The following NCOR1 variants were observed in gnomAD, a reference collection of about 807,000 sequenced individuals.
The protein encoded by NCOR1 is protein phosphatase 1, regulatory subunit 109.
In NCOR1, 63 loss-of-function variants were observed where a neutral mutation model predicts 288.1. The ratio of observed to expected loss-of-function variants is 0.22; its 90% CI spans 0.18 to 0.27. The LOEUF (loss-of-function observed/expected upper bound fraction) is 0.27, where lower values mean the gene tolerates loss of function less well. Ranked by LOEUF, NCOR1 falls within the 10% of genes least tolerant of loss-of-function variation. The pLI is 1.00. For synonymous variants in NCOR1, 1,007 were observed against 1,065.9 expected (o/e 0.94, Z 1.08); for missense variants, 2,397 against 3,019.2 (o/e 0.79, Z 4.83).
intron 1 of NCOR1, among the ~76,000 whole-genome samples, chr17:16,200,029 C>T (rs1269281928): frequency 6.6e-6 from 1 of 151,950 alleles, no homozygotes; most frequent in African/African-American, 2.4e-5. Context: ...CACATATTTA[C>T]TCAACAGGAA....
At chr17:16,180,343 A>T (rs2085142839) in intron 3 of NCOR1, among the ~76,000 whole-genome samples, 1 of 152,200 alleles carries the variant, frequency 6.6e-6, no homozygotes, top group Non-Finnish European at 1.5e-5. Flanking sequence ...AGATTGTTAT[A>T]GCCATTATAG....
At chr17:16,110,390 T>A (rs547200877) in intron 18 of NCOR1, among the ~76,000 whole-genome samples, 317 of 152,260 alleles carry the variant, frequency 2.1e-3, no homozygotes, top group Non-Finnish European at 3.2e-3. Context: ...AAATTTTTTT[T>A]AATTCCTTTT....
intron 15 of NCOR1, among the ~76,000 whole-genome samples, chr17:16,123,540 C>A (rs1598949707): frequency 6.6e-6 from 1 of 152,218 alleles, no homozygotes; most frequent in Non-Finnish European, 1.5e-5. Context: ...GACAGACACA[C>A]AGCACAGCCT....
At chr17:16,201,354 T>C (rs2090780748) in intron 1 of NCOR1, among the ~76,000 whole-genome samples, 1 of 152,078 alleles carries the variant, frequency 6.6e-6, no homozygotes, top group Admixed American at 6.5e-5. Flanking sequence ...ATCCCAGCAC[T>C]TTGGGAGGCC....
intron 1 of NCOR1, among the ~76,000 whole-genome samples, chr17:16,204,885 A>G (rs2091299215): frequency 6.6e-6 from 1 of 152,240 alleles, no homozygotes; most frequent in African/African-American, 2.4e-5. Context: ...ACTACATAAC[A>G]TTACAAAAGA....
Position 16,070,344 on chromosome 17 carries a change from C to T in NCOR1, c.4334G>A (p.Arg1445His), listed in dbSNP as rs1429469964. The change falls in exon 31 of 46, where the codon CGT (arginine) becomes CAT (histidine). Residue 1445 changes from arginine to histidine, a missense_variant. Arg to His is a conservative substitution (Grantham distance 29). Coordinates refer to ENST00000268712, the MANE Select transcript of NCOR1 (RefSeq NM_006311.4). ...YEDVKAGETVRSRHTSVVSSG... is the reference protein window; with the variant it reads ...YEDVKAGETVHSRHTSVVSSG... ...GCTTACCACTGACGTGTGCCGGGAA[C>T]GCACGGTCTCGCCTGCTTTCACATC... The T allele has an allele frequency of 6.2e-6, 10 of 1,614,148 alleles. No individual in the cohort carries two copies. Among genetic ancestry groups the T allele is most frequent in the Admixed American group, 3.3e-5 (2 of 60,016 alleles).
intron 14 of NCOR1, among the ~76,000 whole-genome samples, chr17:16,136,586 C>T (rs2076429107): frequency 6.6e-6 from 1 of 152,036 alleles, no homozygotes; most frequent in Middle Eastern, 3.2e-3. Context: ...GCAGGTGGAT[C>T]ATGGAAGTCA....
chr17:16,163,189 A>G (rs2081232770), intron 5 of NCOR1, among the ~76,000 whole-genome samples: 1 of 152,164 alleles, frequency 6.6e-6, no homozygotes, highest in Non-Finnish European at 1.5e-5. Context: ...AACAAAATTC[A>G]AAACTTTTAT....
At chr17:16,080,999 T>C (rs1385214789) in intron 23 of NCOR1, among the ~76,000 whole-genome samples, 2 of 151,860 alleles carry the variant, frequency 1.3e-5, no homozygotes, top group Admixed American at 1.3e-4. Context: ...ATTACATAAA[T>C]AAAGCACTTA....
At chr17:16,122,840 T>C (rs774722427) in intron 15 of NCOR1, among the ~76,000 whole-genome samples, 3 of 152,206 alleles carry the variant, frequency 2.0e-5, no homozygotes, top group Admixed American at 1.3e-4. Flanking sequence ...TGTCACCATG[T>C]TGCCCAGGGT....
chr17:16,082,311 C>T (rs1053210780), intron 23 of NCOR1, among the ~76,000 whole-genome samples: 1 of 152,084 alleles, frequency 6.6e-6, no homozygotes. Flanking sequence ...GTGAGCCATA[C>T]ATATGAAACA....
At chr17:16,198,159 C>G (rs1460786430) in intron 1 of NCOR1, 1 of 149,362 alleles carries the variant, frequency 6.7e-6, no homozygotes, top group Non-Finnish European at 1.5e-5. Flanking sequence ...AGATCGAGAT[C>G]ATCCTGGCTA....
chr17:16,039,156 C>T (rs2057070564), intron 44 of NCOR1: 1 of 353,808 alleles, frequency 2.8e-6, no homozygotes. Flanking sequence ...AATTACAATG[C>T]AGTATGTATA....
intron 1 of NCOR1, among the ~76,000 whole-genome samples, chr17:16,196,694 G>A (rs1303053937): frequency 6.6e-5 from 10 of 151,602 alleles, no homozygotes; most frequent in South Asian, 2.1e-4. Flanking sequence ...GCGTGGTGGC[G>A]GGTGCCTGTA....
chr17:16,064,268 C>A (rs1244956306), intron 34 of NCOR1, 81 bp from the exon 35 acceptor site: 2 of 1,513,148 alleles, frequency 1.3e-6, no homozygotes, highest in South Asian at 1.3e-5. Flanking sequence ...TTCTAAGTGA[C>A]TGAAAATTTT....
At chr17:16,189,929 T>C (rs1193367830) in intron 2 of NCOR1, among the ~76,000 whole-genome samples, 5 of 152,140 alleles carry the variant, frequency 3.3e-5, no homozygotes, top group Non-Finnish European at 5.9e-5. Context: ...AAGCTACAAA[T>C]TGAATAACTA....
At chr17:16,177,776 T>C (rs1400663862) in intron 3 of NCOR1, among the ~76,000 whole-genome samples, 2 of 152,224 alleles carry the variant, frequency 1.3e-5, no homozygotes, top group Non-Finnish European at 2.9e-5. Context: ...GAAACCAGGA[T>C]GGCATAATGG....
At chr17:16,101,159 A>T in intron 20 of NCOR1, 91 bp downstream of exon 20, 1 of 1,327,680 alleles carries the variant, frequency 7.5e-7, no homozygotes, top group Non-Finnish European at 1.0e-6. Flanking sequence ...CAATATTTAC[A>T]TAGGAGACAT....
chr17:16,068,854 C>T (rs1205344112), intron 31 of NCOR1, among the ~76,000 whole-genome samples: 1 of 151,820 alleles, frequency 6.6e-6, no homozygotes, highest in African/African-American at 2.4e-5. Flanking sequence ...GCTGGGACTA[C>T]AGGAGCGCGC....
Sources: allele counts gnomAD v4.1 joint callset (sites outside exome capture counted in the v4.1 genomes callset), GRCh38; gene constraint gnomAD v4.1.1; transcripts MANE v1.5; gene names NCBI Gene and HGNC (gene_info 2026-07-23, HGNC 2026-07-21).